Variants in PTPRD observed in about 807,000 individuals in gnomAD.
PTPRD encodes the protein protein tyrosine phosphatase receptor type D, also known as receptor-type tyrosine-protein phosphatase delta.
PTPRD carries 34 observed loss-of-function variants against 214.5 expected under a neutral mutation model. The observed-to-expected ratio is 0.16, with a 90% confidence interval of 0.12 to 0.21. The LOEUF (loss-of-function observed/expected upper bound fraction) is 0.21. Among genes scored for constraint, PTPRD ranks in the 10% least tolerant of loss-of-function variants. The probability of loss-of-function intolerance (pLI) is 1.00; values close to 1 mark genes in which losing one functional copy is unlikely to be tolerated. For missense variants in PTPRD, 2,545 were observed against 2,398.7 expected, an observed-to-expected ratio of 1.06 and a Z score of -1.27; for synonymous variants, 1,128 against 845.7, an observed-to-expected ratio of 1.33 and a Z score of -5.79.
intron 12 of PTPRD, among the ~76,000 whole-genome samples, chr9:8,689,128 C>T (rs942928429): frequency 6.6e-6 from 1 of 152,158 alleles, no homozygotes; most frequent in African/African-American, 2.4e-5. Flanking sequence ...TAAAGTGACT[C>T]TGAGAATCAT....
chr9:9,686,611 T>C (rs929875965), intron 7 of PTPRD, among the ~76,000 whole-genome samples: 1 of 151,666 alleles, frequency 6.6e-6, no homozygotes, highest in African/African-American at 2.4e-5. Context: ...CATTTCTACA[T>C]AAATTTTATC....
At chr9:8,910,032 T>C (rs868701828) in intron 11 of PTPRD, among the ~76,000 whole-genome samples, 3 of 151,740 alleles carry the variant, frequency 2.0e-5, no homozygotes, top group Admixed American at 6.6e-5. Context: ...TTTATTTATT[T>C]ATTATTTATT....
intron 8 of PTPRD, among the ~76,000 whole-genome samples, chr9:9,566,856 G>C (rs948218173): frequency 6.6e-6 from 1 of 151,864 alleles, no homozygotes; most frequent in South Asian, 2.1e-4. Flanking sequence ...CCGAACATTC[G>C]CTCTGCTTAT....
At chr9:8,659,461 C>CTG (rs2096985645) in intron 12 of PTPRD, among the ~76,000 whole-genome samples, 2 of 152,230 alleles carry the variant, frequency 1.3e-5, no homozygotes, top group African/African-American at 4.8e-5. Flanking sequence ...TTTTCAAATA[C>CTG]TACTACTAAA....
intron 10 of PTPRD, among the ~76,000 whole-genome samples, chr9:9,043,835 C>T (rs1317094721): frequency 2.6e-5 from 4 of 151,150 alleles, no homozygotes; most frequent in Admixed American, 6.6e-5. Context: ...ACTTGGGAGG[C>T]GGAGGTTGCA....
At chr9:9,618,925 A>G (rs1200280355) in intron 7 of PTPRD, among the ~76,000 whole-genome samples, 1 of 152,318 alleles carries the variant, frequency 6.6e-6, no homozygotes, top group South Asian at 2.1e-4. Context: ...CTCTGAAGGT[A>G]GTTGAGAATA....
intron 2 of PTPRD, among the ~76,000 whole-genome samples, chr9:10,511,074 G>A (rs2047860141): frequency 6.8e-6 from 1 of 146,920 alleles, no homozygotes; most frequent in South Asian, 2.1e-4. Flanking sequence ...ATTCATACAT[G>A]TTATTGTGTG....
At chr9:8,669,919 C>T (rs1005842550) in intron 12 of PTPRD, among the ~76,000 whole-genome samples, 16 of 151,968 alleles carry the variant, frequency 1.1e-4, no homozygotes, top group Non-Finnish European at 1.9e-4. Flanking sequence ...TTTGCAAGTC[C>T]CTGTGAAATG....
chr9:10,396,496 C>T (rs1431842944), intron 2 of PTPRD, among the ~76,000 whole-genome samples: 2 of 151,858 alleles, frequency 1.3e-5, no homozygotes, highest in African/African-American at 4.8e-5. Context: ...TTTCTTCTCC[C>T]CCAGTTCTAT....
At chr9:10,203,169 C>CTTTTTT (rs60069193) in intron 3 of PTPRD, among the ~76,000 whole-genome samples, 3 of 119,916 alleles carry the variant, frequency 2.5e-5, no homozygotes, top group African/African-American at 9.3e-5. Context: ...CCCTCTCTCT[C>CTTTTTT]TTTTTTTTTT....
intron 33 of PTPRD, among the ~76,000 whole-genome samples, chr9:8,455,526 A>G (rs1049179410): frequency 6.6e-6 from 1 of 152,196 alleles, no homozygotes; most frequent in Non-Finnish European, 1.5e-5. Flanking sequence ...AAAGGTACTA[A>G]GTTTTTCTTA....
intron 11 of PTPRD, chr9:8,797,329 T>A (rs1225658527): frequency 1.3e-5 from 2 of 152,162 alleles, no homozygotes; most frequent in Admixed American, 1.3e-4. Context: ...TATGAAAAGC[T>A]CATTTAAAGG....
intron 2 of PTPRD, among the ~76,000 whole-genome samples, chr9:10,456,027 G>A (rs916609968): frequency 3.3e-5 from 5 of 151,592 alleles, no homozygotes; most frequent in South Asian, 2.1e-4. Flanking sequence ...AATTGTTTAT[G>A]CCTCAGGCTC....
Position 10,238,329 on chromosome 9 carries a change from C to T in PTPRD, c.-545+102634G>A, listed in dbSNP as rs549701960. ...CCTACTAGGACTCTAAGACTAGTTTCCCCCACCACCATCTCTTACCAATCA... is the reference window on the plus strand; with the variant it reads ...CCTACTAGGACTCTAAGACTAGTTTTCCCCACCACCATCTCTTACCAATCA... On this transcript the variant is annotated intron_variant, in intron 3 of 45. Coordinates refer to ENST00000381196, the MANE Select transcript of PTPRD (RefSeq NM_002839.4). 1.3e-4 allele frequency among the ~76,000 whole-genome samples: 20 copies of T among 151,910 alleles called. No homozygotes were observed. The South Asian group carries it at 2.7e-3, about 20-fold the overall frequency.
rs12336887 is a variant in PTPRD, at chr9:9,434,965, T to G, written c.-236-37483A>C. ...GACTTTGATAATAATACCTGTCTCT[T>G]CATAGAATTCTTTGTCATTGAATGA... On this transcript the variant is annotated intron_variant, in intron 8 of 45. Transcript: ENST00000381196. Among the ~76,000 whole-genome samples the G allele has an allele frequency of 3.9e-3, 591 of 151,186 alleles. 6 individuals are homozygous for G. Among genetic ancestry groups the G allele is most frequent in the African/African-American group, 0.013 (522 of 41,372 alleles).
Position 8,455,694 on chromosome 9 carries a change from C to T in PTPRD, c.3875+4717G>A, listed in dbSNP as rs561751114. On this transcript the variant is annotated intron_variant, in intron 33 of 45. Transcript: ENST00000381196. ...ATGATATCAAACACATTGGTTAATT[C>T]TTCTTATTCTTAATTTTATAGTGAT... Among the ~76,000 whole-genome samples the T allele has an allele frequency of 2.0e-5, 3 of 152,222 alleles. No homozygotes were observed. In the South Asian group the frequency reaches 6.2e-4, roughly 32 times the overall value.
chr9:8,384,499 C>T (rs2086273031), intron 37 of PTPRD, among the ~76,000 whole-genome samples: 2 of 152,066 alleles, frequency 1.3e-5, no homozygotes, highest in Non-Finnish European at 1.5e-5. Context: ...TCATGCTTTC[C>T]CTTCAAAATC....
At chr9:9,571,057 A>G (rs551852659) in intron 8 of PTPRD, among the ~76,000 whole-genome samples, 1 of 151,446 alleles carries the variant, frequency 6.6e-6, no homozygotes, top group Non-Finnish European at 1.5e-5. Flanking sequence ...TAGACTAAGG[A>G]CCCAGAGATG....
intron 2 of PTPRD, among the ~76,000 whole-genome samples, chr9:10,362,482 TA>T (rs1243920683): frequency 6.6e-6 from 1 of 152,098 alleles, no homozygotes; most frequent in Admixed American, 6.6e-5. Context: ...GAAGGTTTTC[TA>T]AAAATTCAAT....
Sources: allele counts gnomAD v4.1 joint callset (sites outside exome capture counted in the v4.1 genomes callset), GRCh38; gene constraint gnomAD v4.1.1; transcripts MANE v1.5; gene names NCBI Gene and HGNC (gene_info 2026-07-23, HGNC 2026-07-21).